The following SPATA6L variants were observed in gnomAD, a reference collection of about 807,000 sequenced individuals.
SPATA6L encodes spermatogenesis associated 6-like protein.
SPATA6L carries 68 observed loss-of-function variants against 49.2 expected under a neutral mutation model. The observed-to-expected ratio is 1.38, with a 90% CI of 1.14 to 1.69. SPATA6L has a LOEUF of 1.69. SPATA6L is among the 40% of genes most tolerant of loss of function. The pLI is 0.00. For synonymous variants in SPATA6L, 198 were observed against 165.7 expected, an observed-to-expected ratio of 1.19 and a Z score of -1.50; for missense variants, 668 against 464.3, an observed-to-expected ratio of 1.44 and a Z score of -4.03.
intron 5 of SPATA6L, chr9:4,626,272 T>G (rs1439612519): frequency 2.6e-6 from 2 of 760,716 alleles, no homozygotes; most frequent in African/African-American, 1.8e-5. Flanking sequence ...CTAGCCCCAT[T>G]GCACTCCTCC....
chr9:4,611,596 A>G, intron 9 of SPATA6L, among the ~76,000 whole-genome samples: 1 of 141,246 alleles, frequency 7.1e-6, no homozygotes, highest in Non-Finnish European at 1.5e-5. Flanking sequence ...GGAATTGAAC[A>G]ATGAGATCAC....
chr9:4,610,788 T>C (rs1009954007), intron 9 of SPATA6L, among the ~76,000 whole-genome samples: 7 of 151,996 alleles, frequency 4.6e-5, no homozygotes, highest in African/African-American at 1.2e-4. Context: ...AAAGCCAAAA[T>C]TGACAAATGG....
At chr9:4,603,684 A>G (rs763914825) in intron 11 of SPATA6L, among the ~76,000 whole-genome samples, 1 of 152,238 alleles carries the variant, frequency 6.6e-6, no homozygotes, top group African/African-American at 2.4e-5. Flanking sequence ...ATTTTAAACA[A>G]TCAGCCCAGA....
chr9:4,605,913 C>G (rs935653660), intron 9 of SPATA6L, among the ~76,000 whole-genome samples: 2 of 152,182 alleles, frequency 1.3e-5, no homozygotes, highest in Non-Finnish European at 2.9e-5. Flanking sequence ...GTTCATCTCA[C>G]TAGGGAGTGC....
intron 1 of SPATA6L, chr9:4,664,000 AG>A (rs1840464942): frequency 1.2e-5 from 2 of 167,114 alleles, no homozygotes; most frequent in Admixed American, 6.5e-5. Flanking sequence ...TCAGAGAAAA[AG>A]CCAACTTGCT....
At chr9:4,644,182 GCAAAAAAAAAAAAAAAAAAAAAAA>G (rs1490327310) in intron 3 of SPATA6L, among the ~76,000 whole-genome samples, 9 of 49,394 alleles carry the variant, frequency 1.8e-4, no homozygotes, top group Non-Finnish European at 3.0e-4. Context: ...TGCCATCTCT[GCAAAAAAAAAAAAAAAAAAAAAAA>G]AAAAAAAAAA....
At chr9:4,639,541 C>A (rs1446199493) in intron 3 of SPATA6L, among the ~76,000 whole-genome samples, 3 of 152,150 alleles carry the variant, frequency 2.0e-5, no homozygotes, top group Non-Finnish European at 4.4e-5. Flanking sequence ...TTCTAGAAAT[C>A]CAAACTGCCA....
chr9:4,626,960 G>C (rs1025587599), intron 5 of SPATA6L: 1 of 152,048 alleles, frequency 6.6e-6, no homozygotes, highest in African/African-American at 2.4e-5. Context: ...AATTAATGCT[G>C]ATCTCTAAAT....
At chr9:4,658,950 CA>C (rs34665368) in intron 2 of SPATA6L, among the ~76,000 whole-genome samples, 48,904 of 94,490 alleles carry the variant, frequency 0.52, 8,508 homozygotes, top group East Asian at 0.61. Flanking sequence ...ACTCTGTCTC[CA>C]AAAAAAAAAA....
chr9:4,634,667 G>T (rs3907324), intron 4 of SPATA6L, among the ~76,000 whole-genome samples: 22,138 of 152,072 alleles, frequency 0.15, 2,608 homozygotes, highest in East Asian at 0.33. Context: ...TCAAGTGATG[G>T]AAAAGTCAAG....
chr9:4,604,768 CA>C (rs1360566809), intron 10 of SPATA6L, among the ~76,000 whole-genome samples: 1 of 152,196 alleles, frequency 6.6e-6, no homozygotes, highest in African/African-American at 2.4e-5. Context: ...CCACTGGGGG[CA>C]CTGTTGTCCT....
rs186220273 is a variant in SPATA6L at position 4,623,640 on chromosome 9, T to C, written c.670-1130A>G. Among the ~76,000 whole-genome samples the C allele has an allele frequency of 3.8e-3, 585 of 152,258 alleles. 4 individuals carry two copies. The highest frequency in any genetic ancestry group is 5.2e-3 in the Non-Finnish European group (356 of 68,010). On this transcript the variant is annotated intron_variant, in intron 6 of 11. Coordinates refer to ENST00000682582, the MANE Select transcript of SPATA6L (RefSeq NM_001353486.2). ...TCTGACTAAATAAAAAAATTAAATA[T>C]GTAAAATCACTGATAAAAGACTTTG...
At chr9:4,622,313 G>C (rs1829506341) in intron 7 of SPATA6L, 95 bp downstream of exon 7, 26 of 783,506 alleles carry the variant, frequency 3.3e-5, no homozygotes, top group Non-Finnish European at 4.8e-5. Context: ...TCACAGTTCT[G>C]AACATCACCT....
chr9:4,650,152 C>T lies in SPATA6L; in HGVS notation c.226+5889G>A, dbSNP rs12554966. ...CTACCTCTGTAGGTACTTACTCACTCTTTGCCTAATGTCAAACTCTTCAAT... is the reference window on the plus strand; with the variant it reads ...CTACCTCTGTAGGTACTTACTCACTTTTTGCCTAATGTCAAACTCTTCAAT... On this transcript the variant is annotated intron_variant, in intron 3 of 11. Transcript: ENST00000682582. Among the ~76,000 whole-genome samples, 1,325 of 152,326 alleles carry T rather than the reference C, an allele frequency of 8.7e-3. 9 individuals carry two copies. The highest frequency in any genetic ancestry group is 0.012 in the Non-Finnish European group (800 of 68,024).
chr9:4,612,428 G>C (rs532645189), intron 9 of SPATA6L, among the ~76,000 whole-genome samples: 2 of 152,188 alleles, frequency 1.3e-5, no homozygotes, highest in African/African-American at 4.8e-5. Flanking sequence ...TGGCAACACT[G>C]TTCTCTCTTC....
Position 4,661,898 on chromosome 9 carries a change from C to T in SPATA6L, c.177+1G>A. 1 of 1,613,424 alleles carries T rather than the reference C, an allele frequency of 6.2e-7. No individual in the cohort carries two copies. Among genetic ancestry groups the T allele is most frequent in the Non-Finnish European group, 8.5e-7 (1 of 1,179,564 alleles). On this transcript the variant is annotated splice_donor_variant, in intron 2 of 11. Transcript: ENST00000682582. LOFTEE classifies it high-confidence loss of function. ...AAAGCCAATGAGAAAGTCAAGATCA[C>T]CTTTTCAAATCTCATGCTCTCCTGA...
chr9:4,592,181 G>A (rs1257581203), intron 13 of SPATA6L, among the ~76,000 whole-genome samples: 2 of 151,974 alleles, frequency 1.3e-5, no homozygotes, highest in Non-Finnish European at 2.9e-5. Context: ...CAGGTGTAGT[G>A]GCACATGCCT....
intron 1 of SPATA6L, chr9:4,663,030 G>A (rs1840243485): frequency 6.2e-7 from 1 of 1,613,752 alleles, no homozygotes; most frequent in South Asian, 1.1e-5. Flanking sequence ...CACAAGGGCC[G>A]CCCTGATGTC....
chr9:4,639,949 CAAAG>C (rs1419282588), intron 3 of SPATA6L, among the ~76,000 whole-genome samples: 1 of 152,138 alleles, frequency 6.6e-6, no homozygotes, highest in Non-Finnish European at 1.5e-5. Flanking sequence ...TACCACATGG[CAAAG>C]AAGGAATTCA....
Sources: allele counts gnomAD v4.1 joint callset (sites outside exome capture counted in the v4.1 genomes callset), GRCh38; gene constraint gnomAD v4.1.1; transcripts MANE v1.5; gene names NCBI Gene and HGNC (gene_info 2026-07-23, HGNC 2026-07-21).